FGD2: variants seen among roughly 807,000 people sequenced by gnomAD.
FGD2 encodes FYVE, RhoGEF and PH domain containing 2.
FGD2 carries 52 observed loss-of-function variants against 75.9 expected under a neutral mutation model. The ratio of observed to expected loss-of-function variants is 0.69; its 90% confidence interval spans 0.55 to 0.86. The LOEUF (loss-of-function observed/expected upper bound fraction) is 0.86, where lower values mean the gene tolerates loss of function less well. Ranked by LOEUF, FGD2 falls within the 40% of genes least tolerant of loss-of-function variation. FGD2 has a pLI of 0.00. For synonymous variants in FGD2, 347 were observed against 348.6 expected, an observed-to-expected ratio of 1.00 and a Z score of 0.05; for missense variants, 790 against 872.0, an observed-to-expected ratio of 0.91 and a Z score of 1.18.
At position 37,012,151 on chromosome 6, in the gene FGD2, G is replaced by A. The variant is rs111679428; in HGVS notation, c.527+297G>A. 268 of 311,906 alleles carry A rather than the reference G, an allele frequency of 8.6e-4. 2 individuals carry two copies. The highest frequency in any genetic ancestry group is 5.1e-3 in the African/African-American group (235 of 45,790). 19.3% of individuals were successfully genotyped at this position (311,906 alleles called of 1,614,324 possible). ...AGTGCCAACTGAGGGCTTCCTACAC[G>A]CCTGGCCTTGGGCTTTCCCTCTATT... On this transcript the variant is annotated intron_variant, in intron 4 of 15. Transcript: ENST00000274963.
intron 14 of FGD2, among the ~76,000 whole-genome samples, chr6:37,026,499 C>A (rs1240545027): frequency 6.6e-6 from 1 of 152,074 alleles, no homozygotes; most frequent in East Asian, 2.0e-4. Flanking sequence ...GGGGGCCTCA[C>A]TGAGCCACAC....
At position 37,013,604 on chromosome 6, in the gene FGD2, T is replaced by A; in HGVS notation, c.528-5T>A. On this transcript the variant is annotated splice_region_variant and splice_polypyrimidine_tract_variant and intron_variant, in intron 4 of 15. Coordinates refer to ENST00000274963, the MANE Select transcript of FGD2 (RefSeq NM_173558.4). ...CTGAGGGCAATCCCTGTGCCCCTCCTGCAGGACAGCTAACCCCCGCATCGG... is the reference window on the plus strand; with the variant it reads ...CTGAGGGCAATCCCTGTGCCCCTCCAGCAGGACAGCTAACCCCCGCATCGG... 1 of 1,613,084 alleles carries A rather than the reference T, an allele frequency of 6.2e-7. No homozygotes were observed. The highest frequency in any genetic ancestry group is 8.5e-7 in the Non-Finnish European group (1 of 1,179,342).
intron 13 of FGD2, 136 bp downstream of exon 13, chr6:37,022,506 A>G (rs201293801): frequency 7.9e-7 from 1 of 1,261,286 alleles, no homozygotes; most frequent in Non-Finnish European, 1.0e-6. Flanking sequence ...CTCGGCCTCC[A>G]TCTGTGTCAC....
intron 1 of FGD2, 56 bp downstream of exon 1, chr6:37,005,941 C>G: frequency 6.3e-7 from 1 of 1,586,434 alleles, no homozygotes; most frequent in Non-Finnish European, 8.6e-7. Context: ...CACCCTCCAG[C>G]CTTTCTGGCA....
At chr6:37,013,400 G>C in intron 4 of FGD2, 1 of 1,370,956 alleles carries the variant, frequency 7.3e-7, no homozygotes. Context: ...AGGCCAACCT[G>C]GGACCAGAAC....
intron 2 of FGD2, 53 bp downstream of exon 2, chr6:37,009,118 T>C: frequency 6.6e-7 from 1 of 1,524,940 alleles, no homozygotes; most frequent in East Asian, 2.3e-5. Flanking sequence ...GAGCTCTCCC[T>C]GACCTCCCCT....
At chr6:37,015,474 C>T (rs1018631509) in intron 8 of FGD2, among the ~76,000 whole-genome samples, 4 of 152,194 alleles carry the variant, frequency 2.6e-5, no homozygotes, top group Non-Finnish European at 5.9e-5. Context: ...TCTTGTAAAC[C>T]CCTGCCATCC....
At chr6:37,026,200 C>T (rs527283484) in intron 14 of FGD2, 9 of 985,456 alleles carry the variant, frequency 9.1e-6, no homozygotes, top group Admixed American at 6.1e-5. Context: ...TCTATGTCCC[C>T]ATCCGATAGT....
At position 37,013,429 on chromosome 6, in the gene FGD2, G is replaced by C. The variant is rs1765117792; in HGVS notation, c.528-180G>C. On this transcript the variant is annotated intron_variant, in intron 4 of 15. Transcript: ENST00000274963. ...CCAGAACAGCCTTTGGCCTCAGGAG[G>C]CTCACAGTCTAAGGAGTAGAGGGGC... The C allele has an allele frequency of 4.4e-5, 62 of 1,400,214 alleles. 2 individuals carry two copies. The South Asian group carries it at 9.9e-4, about 22-fold the overall frequency. The allele number at this position is 1,400,214 out of a possible 1,614,324, so 86.7% of individuals were successfully genotyped here.
intron 8 of FGD2, 130 bp from the exon 9 acceptor site, chr6:37,015,638 G>T (rs1765246976): frequency 1.3e-6 from 1 of 788,510 alleles, no homozygotes; most frequent in East Asian, 2.7e-5. Flanking sequence ...TGAGCAGGCT[G>T]GCCAGAGTGT....
chr6:37,005,670 G>A lies in FGD2; in HGVS notation c.-148G>A, dbSNP rs1442386152. On this transcript the variant is annotated 5_prime_UTR_variant, in exon 1 of 16. Transcript: ENST00000274963. The stretch of plus-strand genomic sequence containing the variant: ...CTCTTTCTTCACTCTGAAGCCAAGA[G>A]CCGACCTTCTGAGCCCTCAAGAAAG... 6.1e-6 allele frequency: 5 copies of A among 819,528 alleles called. No homozygotes were observed. The African/African-American group carries it at 8.5e-5, about 14-fold the overall frequency. The allele number at this position is 819,528 out of a possible 1,614,324, so 50.8% of individuals were successfully genotyped here.
In FGD2 at chr6:37,027,571, C is replaced by T. The variant is rs1308340528; in HGVS notation, c.1748C>T (p.Pro583Leu). 1 of 1,614,060 alleles carries T rather than the reference C, an allele frequency of 6.2e-7. No individual in the cohort carries two copies. The highest frequency in any genetic ancestry group is 1.7e-4 in the Middle Eastern group (1 of 6,056). ...CTCGTGCTCTATGTCTATGCTGCCC[C>T]TCAGGTAAGGCCACCACCTGCCCGC... is the stretch of plus-strand genomic sequence containing the variant. Reference protein sequence around the residue: ...DPLVLYVYAAPQDMRAHTSIP... With the variant: ...DPLVLYVYAALQDMRAHTSIP... The change falls in exon 15 of 16, where the codon CCT (proline) becomes CTT (leucine). Residue 583 changes from proline to leucine, a missense_variant. By Grantham distance (98) the Pro-to-Leu change is moderately conservative. Transcript: ENST00000274963.
intron 15 of FGD2, 174 bp downstream of exon 15, chr6:37,027,749 G>A (rs1765895366): frequency 9.6e-7 from 1 of 1,045,632 alleles, no homozygotes; most frequent in Non-Finnish European, 1.4e-6. Context: ...ATTGTGCCCT[G>A]ACTCTAGGTC....
chr6:37,021,662 C>T (rs1765598262), intron 12 of FGD2, 58 bp downstream of exon 12: 7 of 1,457,316 alleles, frequency 4.8e-6, no homozygotes, highest in South Asian at 1.2e-5. Context: ...GAGCTTGTTC[C>T]CTCTCTGTTC....
chr6:37,008,940 G>A lies in FGD2; in HGVS notation c.175G>A (p.Glu59Lys). The A allele has an allele frequency of 6.2e-7, 1 of 1,614,248 alleles. No individual in the cohort carries two copies. Among genetic ancestry groups the A allele is most frequent in the Non-Finnish European group, 8.5e-7 (1 of 1,180,044 alleles). Residue 59 changes from glutamate (E) to lysine (K), a missense_variant, in exon 2 of 16, where the codon GAG (glutamate) becomes AAG (lysine). Transcript: ENST00000274963. The part of the protein sequence containing the change: ...PGPREKTNVG[E>K]AVGSEPRTVS... ...ACCACGGGAGAAGACGAATGTCGGG[G>A]AGGCCGTGGGGTCTGAGCCCAGGAC... is the stretch of plus-strand genomic sequence containing the variant.
chr6:37,028,253 C>T lies in FGD2; in HGVS notation c.*90C>T. On this transcript the variant is annotated 3_prime_UTR_variant, in exon 16 of 16. Transcript: ENST00000274963. Reference sequence around the variant, plus strand: ...ACCCTGTGGCCTCAGTGACCCACTGCCCCAAGTGGTGCTTTCAGAGAATTG... The same window carrying T: ...ACCCTGTGGCCTCAGTGACCCACTGTCCCAAGTGGTGCTTTCAGAGAATTG... 8 of 1,252,446 alleles carry T rather than the reference C, an allele frequency of 6.4e-6. No individual in the cohort carries two copies. The South Asian group carries it at 9.5e-5, about 15-fold the overall frequency. The allele number at this position is 1,252,446 out of a possible 1,614,324, so 77.6% of individuals were successfully genotyped here. A position where few individuals can be genotyped will look rare whatever the true frequency, so the allele number is the denominator to read the frequency against.
chr6:37,023,276 C>G (rs1322991514), intron 13 of FGD2: 1 of 154,786 alleles, frequency 6.5e-6, no homozygotes, highest in Non-Finnish European at 1.5e-5. Context: ...CCATGGGGAT[C>G]GTGAAACCTA....
chr6:37,025,953 C>T lies in FGD2; in HGVS notation c.1605+15C>T, dbSNP rs1447545935. 6.2e-7 allele frequency: 1 copy of T among 1,613,322 alleles called. No homozygotes were observed. The highest frequency in any genetic ancestry group is 1.3e-5 in the African/African-American group (1 of 74,914). On this transcript the variant is annotated intron_variant, in intron 14 of 15. Transcript: ENST00000274963. ...GCATCCTGGAGGTGAGGGCCACTGT[C>T]CCCGCGCTCACCATCCGTCCTCTGT... is the stretch of plus-strand genomic sequence containing the variant.
At chr6:37,016,671 C>A (rs1765314907) in intron 9 of FGD2, among the ~76,000 whole-genome samples, 1 of 151,802 alleles carries the variant, frequency 6.6e-6, no homozygotes, top group Non-Finnish European at 1.5e-5. Flanking sequence ...GTAGCTGGGA[C>A]TGTAGGCGCG....
Sources: allele counts gnomAD v4.1 joint callset (sites outside exome capture counted in the v4.1 genomes callset), GRCh38; gene constraint gnomAD v4.1.1; transcripts MANE v1.5; gene names NCBI Gene and HGNC (gene_info 2026-07-23, HGNC 2026-07-21).